Variants in CAND2 observed in about 807,000 individuals in gnomAD.
The protein encoded by CAND2 is cullin associated and neddylation dissociated 2 (putative), also known as cullin-associated NEDD8-dissociated protein 2.
In CAND2, 62 loss-of-function variants were observed where a neutral mutation model predicts 98.9. The ratio of observed to expected loss-of-function variants is 0.63; its 90% confidence interval spans 0.51 to 0.77. CAND2 has a LOEUF of 0.77. CAND2 is among the 30% of genes least tolerant of loss of function. The pLI, the probability that CAND2 is intolerant of heterozygous loss-of-function variation, is 0.00. For synonymous variants in CAND2, 770 were observed against 731.9 expected, an observed-to-expected ratio of 1.05 and a Z score of -0.84; for missense variants, 1,501 against 1,655.2, an observed-to-expected ratio of 0.91 and a Z score of 1.62.
intron 1 of CAND2, among the ~76,000 whole-genome samples, chr3:12,802,560 C>T (rs911246141): frequency 1.3e-5 from 2 of 152,142 alleles, no homozygotes; most frequent in Non-Finnish European, 2.9e-5. Flanking sequence ...ATGGCTGAGG[C>T]GGGGGCCACC....
At chr3:12,810,948 G>A (rs1396701232) in intron 5 of CAND2, among the ~76,000 whole-genome samples, 1 of 152,214 alleles carries the variant, frequency 6.6e-6, no homozygotes, top group Non-Finnish European at 1.5e-5. Context: ...TCTGCTTTCT[G>A]TCACTATAGA....
chr3:12,822,099 TC>T (rs1286413233), intron 11 of CAND2, among the ~76,000 whole-genome samples: 1 of 152,176 alleles, frequency 6.6e-6, no homozygotes, highest in Non-Finnish European at 1.5e-5. Context: ...CATTATTCTT[TC>T]CATAGTTACA....
Position 12,808,335 on chromosome 3 carries a change from T to G in CAND2, c.491+2T>G. The G allele has an allele frequency of 1.3e-6, 2 of 1,551,218 alleles. No homozygotes were observed. The highest frequency in any genetic ancestry group is 8.7e-7 in the Non-Finnish European group (1 of 1,146,820). On this transcript the variant is annotated splice_donor_variant, in intron 4 of 14. Coordinates refer to ENST00000456430, the MANE Select transcript of CAND2 (RefSeq NM_001162499.2). LOFTEE classifies it high-confidence loss of function. ...CATCCTCTCTGACATGCTGAGCAGG[T>G]GTGGGAGGCCATCCTGGGTATTGAG...
rs766363147 is a variant in CAND2 at position 12,817,076 on chromosome 3, TG to T, written c.2146del (p.Asp716ThrfsTer6). ...GACATGCATGTGGCCCAGCTGGCTG[TG>T]GACTTCCTTGCCACAGTGACCCAGG... ...ESDMHVAQLA[V>X]DFLATVTQAQ... On this transcript the variant is annotated frameshift_variant, in exon 10 of 15. Transcript: ENST00000456430. LOFTEE classifies it high-confidence loss of function. 1 of 1,612,796 alleles carries T rather than the reference TG, an allele frequency of 6.2e-7. No homozygotes were observed.
At position 12,825,786 on chromosome 3, in the gene CAND2, C is replaced by T. The variant is rs77705168; in HGVS notation, c.3210+147C>T. On this transcript the variant is annotated intron_variant, in intron 12 of 14. Transcript: ENST00000456430. ...CTGCCCTGACTCCGAGCTGTGGGAC[C>T]CCAGCCAGGGCAACCTGATCCTCTC... 1.7e-3 allele frequency: 1,365 copies of T among 807,800 alleles called. 12 individuals carry two copies. In the Admixed American group the frequency reaches 0.022, roughly 13 times the overall value. 50.0% of individuals were successfully genotyped at this position (807,800 alleles called of 1,614,324 possible). A position where few individuals can be genotyped will look rare whatever the true frequency, so the allele number is the denominator to read the frequency against.
In CAND2 at chr3:12,816,589, T is replaced by A; in HGVS notation, c.1657T>A (p.Trp553Arg). The change falls in exon 10 of 15, where the codon TGG becomes AGG. Residue 553 changes from tryptophan (W) to arginine (R), a missense_variant. Coordinates refer to ENST00000456430, the MANE Select transcript of CAND2 (RefSeq NM_001162499.2). ...GCTGCAGGAGCTGGTGCGGGCCCTG[T>A]GGCCGCTGCACAGGCCTCGGATGCT... ...VVLQELVRAL[W>R]PLHRPRMLDP... 1 of 1,613,904 alleles carries A rather than the reference T, an allele frequency of 6.2e-7. No homozygotes were observed. Among genetic ancestry groups the A allele is most frequent in the Non-Finnish European group, 8.5e-7 (1 of 1,180,022 alleles).
chr3:12,805,781 G>A (rs1478510275), intron 2 of CAND2, among the ~76,000 whole-genome samples: 1 of 152,222 alleles, frequency 6.6e-6, no homozygotes, highest in Non-Finnish European at 1.5e-5. Flanking sequence ...AAGGCCTTTT[G>A]CCTATACAAA....
intron 2 of CAND2, among the ~76,000 whole-genome samples, chr3:12,805,720 G>A (rs1480325778): frequency 6.6e-6 from 1 of 152,202 alleles, no homozygotes; most frequent in African/African-American, 2.4e-5. Context: ...ATGTAAAAAA[G>A]TATTTTGTGT....
At chr3:12,803,181 A>C (rs2061779110) in intron 1 of CAND2, among the ~76,000 whole-genome samples, 1 of 151,964 alleles carries the variant, frequency 6.6e-6, no homozygotes, top group Non-Finnish European at 1.5e-5. Flanking sequence ...TTTAGTAGAG[A>C]CTGGGTTTCA....
chr3:12,827,063 C>G (rs555007860), intron 12 of CAND2, among the ~76,000 whole-genome samples: 2 of 152,142 alleles, frequency 1.3e-5, no homozygotes, highest in African/African-American at 4.8e-5. Context: ...AATCTCCTGA[C>G]TTCATGATCC....
At chr3:12,801,946 A>T (rs1447771027) in intron 1 of CAND2, among the ~76,000 whole-genome samples, 1 of 152,174 alleles carries the variant, frequency 6.6e-6, no homozygotes, top group Non-Finnish European at 1.5e-5. Context: ...GTTCTCTGAG[A>T]TGGGAGTGGA....
At chr3:12,829,882 C>T (rs1384905352) in intron 13 of CAND2, among the ~76,000 whole-genome samples, 15 of 152,208 alleles carry the variant, frequency 9.9e-5, no homozygotes, top group Admixed American at 9.8e-4. Flanking sequence ...TCAACAGCTG[C>T]AGGAGTTCCC....
intron 11 of CAND2, among the ~76,000 whole-genome samples, chr3:12,821,176 G>A (rs1382802624): frequency 1.3e-5 from 2 of 151,712 alleles, no homozygotes; most frequent in Non-Finnish European, 2.9e-5. Context: ...GAAGGTTGCA[G>A]TGAGCGGAGA....
chr3:12,815,916 T>G lies in CAND2; in HGVS notation c.1349T>G (p.Val450Gly). ...ALQRQLKDRS[V>G]RARQGCFSLL... Reference sequence around the variant, plus strand: ...CAGCGGCAGCTTAAAGATCGGAGCGTCAGAGCCCGCCAGGGATGCTTCAGC... The same window carrying G: ...CAGCGGCAGCTTAAAGATCGGAGCGGCAGAGCCCGCCAGGGATGCTTCAGC... The change falls in exon 9 of 15, where the codon GTC becomes GGC. Residue 450 changes from valine (V) to glycine (G), a missense_variant. Coordinates refer to ENST00000456430, the MANE Select transcript of CAND2 (RefSeq NM_001162499.2). The surrounding 1 kb of genome is among the most constrained non-coding windows in gnomAD (Gnocchi z 5.7). 1 of 1,613,728 alleles carries G rather than the reference T, an allele frequency of 6.2e-7. No homozygotes were observed. Among genetic ancestry groups the G allele is most frequent in the Non-Finnish European group, 8.5e-7 (1 of 1,179,982 alleles).
At position 12,831,581 on chromosome 3, in the gene CAND2, C is replaced by T; in HGVS notation, c.3483+9C>T. The T allele has an allele frequency of 6.3e-7, 1 of 1,596,510 alleles. No homozygotes were observed. Among genetic ancestry groups the T allele is most frequent in the Non-Finnish European group, 8.6e-7 (1 of 1,167,282 alleles). On this transcript the variant is annotated intron_variant, in intron 14 of 14. Transcript: ENST00000456430. ...CCACCTGCACTGCCAAGGTAAGTCCCTGGCCCAGCCCTAGCCCAGGCCCTG... is the reference window on the plus strand; with the variant it reads ...CCACCTGCACTGCCAAGGTAAGTCCTTGGCCCAGCCCTAGCCCAGGCCCTG...
intron 1 of CAND2, among the ~76,000 whole-genome samples, chr3:12,802,719 C>T (rs1007507140): frequency 7.9e-5 from 12 of 152,190 alleles, no homozygotes; most frequent in Admixed American, 3.3e-4. Flanking sequence ...CACTTAACGA[C>T]GGGGAAACAT....
In CAND2 at chr3:12,825,525, G is replaced by A. The variant is rs372718072; in HGVS notation, c.3096G>A (p.Leu1032=). The A allele has an allele frequency of 1.2e-6, 2 of 1,600,500 alleles. No individual in the cohort carries two copies. The highest frequency in any genetic ancestry group is 2.7e-5 in the African/African-American group (2 of 74,814). ...DPDLNVRRAT[L]AFFNSAVHNK... ...ACCTGAACGTGCGCCGTGCGACTCT[G>A]GCTTTCTTCAACTCAGCTGTGCACA... The change falls in exon 12 of 15, where the codon CTG becomes CTA. Residue 1032 remains leucine (L), a synonymous_variant. Coordinates refer to ENST00000456430, the MANE Select transcript of CAND2 (RefSeq NM_001162499.2).
intron 2 of CAND2, among the ~76,000 whole-genome samples, chr3:12,804,706 G>A (rs2124837480): frequency 6.6e-6 from 1 of 152,322 alleles, no homozygotes; most frequent in South Asian, 2.1e-4. Flanking sequence ...CTGCAGGTTA[G>A]CATCACCTGG....
intron 10 of CAND2, 32 bp from the exon 11 acceptor site, chr3:12,820,054 C>T (rs951263868): frequency 6.3e-7 from 1 of 1,579,120 alleles, no homozygotes; most frequent in Non-Finnish European, 8.7e-7. Context: ...TGGCCCCTGC[C>T]CCTCACTAAC....
Sources: gnomAD v4.1 joint callset for allele counts (sites outside exome capture counted in the v4.1 genomes callset) on GRCh38, gnomAD v4.1.1 for gene constraint, Gnocchi (gnomAD v3.1) non-coding constraint, MANE v1.5 for transcripts, NCBI Gene and HGNC (gene_info 2026-07-23, HGNC 2026-07-21) for gene names.